Variants in MIR2052HG observed in about 807,000 individuals in gnomAD.
MIR2052HG encodes the protein MIR2052 host gene.
At chr8:74,615,836 T>A (rs7012948) in intron 2 of MIR2052HG, among the ~76,000 whole-genome samples, 1 of 151,870 alleles carries the variant, frequency 6.6e-6, no homozygotes, top group African/African-American at 2.4e-5. Context: ...TGTTCGATTC[T>A]CACCTATGAG....
intron 2 of MIR2052HG, among the ~76,000 whole-genome samples, chr8:74,671,104 G>A (rs1056929655): frequency 3.6e-5 from 5 of 137,112 alleles, no homozygotes; most frequent in African/African-American, 1.6e-4. Context: ...TTACATCAAT[G>A]AGAGTGTACG....
At chr8:74,642,257 G>A (rs904381812) in intron 2 of MIR2052HG, among the ~76,000 whole-genome samples, 3 of 151,964 alleles carry the variant, frequency 2.0e-5, no homozygotes, top group Non-Finnish European at 2.9e-5. Context: ...GTTAATGTGC[G>A]CGGTTTCCAA....
At chr8:74,669,834 T>A (rs942313023) in intron 2 of MIR2052HG, among the ~76,000 whole-genome samples, 3 of 152,182 alleles carry the variant, frequency 2.0e-5, no homozygotes, top group Non-Finnish European at 4.4e-5. Context: ...CTTCTAAGCA[T>A]CTTCTTTACA....
chr8:74,743,858 T>C (rs1444799222), intron 4 of MIR2052HG, among the ~76,000 whole-genome samples: 2 of 152,188 alleles, frequency 1.3e-5, no homozygotes, highest in African/African-American at 2.4e-5. Flanking sequence ...AAGGTGATCA[T>C]GAGCCCACAC....
rs895134176 is a variant in MIR2052HG at position 74,620,711 on chromosome 8, C to A, written n.216+7771C>A. Reference sequence around the variant, plus strand: ...CAGAGCAGAGTGGCCTTGGGCTGGGCCCCTGAAACCATTTTTCCCACCTAG... The same window carrying A: ...CAGAGCAGAGTGGCCTTGGGCTGGGACCCTGAAACCATTTTTCCCACCTAG... On this transcript the variant is annotated intron_variant and non_coding_transcript_variant, in intron 2 of 6. Coordinates refer to ENST00000523442, the Ensembl canonical transcript of MIR2052HG. 2.0e-5 allele frequency among the ~76,000 whole-genome samples: 3 copies of A among 152,200 alleles called. No individual in the cohort carries two copies. The South Asian group carries it at 6.2e-4, about 32-fold the overall frequency.
chr8:74,681,124 T>C (rs1182181901), intron 2 of MIR2052HG, among the ~76,000 whole-genome samples: 6 of 148,002 alleles, frequency 4.1e-5, no homozygotes, highest in Non-Finnish European at 7.5e-5. Flanking sequence ...GATGACGAGT[T>C]AGTGGGCGCA....
chr8:74,736,325 A>C (rs1809744447), intron 4 of MIR2052HG, among the ~76,000 whole-genome samples: 1 of 152,244 alleles, frequency 6.6e-6, no homozygotes, highest in African/African-American at 2.4e-5. Flanking sequence ...TGGTGGGTAC[A>C]TAATTTTTGA....
At chr8:74,758,261 A>G (rs1586933615) in intron 6 of MIR2052HG, 1 of 152,140 alleles carries the variant, frequency 6.6e-6, no homozygotes, top group African/African-American at 2.4e-5. Flanking sequence ...CAGCCTAAAA[A>G]TAACATCTAT....
At chr8:74,630,361 G>T (rs1447861019) in intron 2 of MIR2052HG, among the ~76,000 whole-genome samples, 6 of 151,962 alleles carry the variant, frequency 3.9e-5, no homozygotes, top group African/African-American at 1.5e-4. Flanking sequence ...GACAAGTCAG[G>T]CTTGGAAGGG....
At chr8:74,608,445 A>AGTCTTAT (rs1167553323) in intron 1 of MIR2052HG, among the ~76,000 whole-genome samples, 6 of 152,216 alleles carry the variant, frequency 3.9e-5, no homozygotes, top group Non-Finnish European at 7.4e-5. Flanking sequence ...TGAAGTCTTA[A>AGTCTTAT]CACTATCAAT....
chr8:74,684,091 C>T (rs1465016660), intron 2 of MIR2052HG, among the ~76,000 whole-genome samples: 1 of 152,078 alleles, frequency 6.6e-6, no homozygotes, highest in African/African-American at 2.4e-5. Context: ...GTAGCTTGTT[C>T]AGAGGTCCCG....
chr8:74,677,927 A>G (rs559217505), intron 2 of MIR2052HG, among the ~76,000 whole-genome samples: 1 of 152,350 alleles, frequency 6.6e-6, no homozygotes, highest in South Asian at 2.1e-4. Context: ...GAAAGAAGTT[A>G]CAAATATTAT....
intron 4 of MIR2052HG, among the ~76,000 whole-genome samples, chr8:74,715,373 G>T (rs1809510027): frequency 6.6e-6 from 1 of 152,156 alleles, no homozygotes; most frequent in Non-Finnish European, 1.5e-5. Flanking sequence ...GGATATACAG[G>T]CATAGAACAG....
chr8:74,640,808 T>C (rs1012885892), intron 2 of MIR2052HG, among the ~76,000 whole-genome samples: 3 of 152,192 alleles, frequency 2.0e-5, no homozygotes, highest in African/African-American at 7.2e-5. Flanking sequence ...TTTGCCCCTA[T>C]TTTCAGATTG....
At chr8:74,735,320 G>C (rs1451422854) in intron 4 of MIR2052HG, among the ~76,000 whole-genome samples, 2 of 152,184 alleles carry the variant, frequency 1.3e-5, no homozygotes, top group African/African-American at 4.8e-5. Context: ...ACAAGATGGA[G>C]CCTGCCCCTT....
chr8:74,730,183 A>G (rs1286704258), intron 4 of MIR2052HG, among the ~76,000 whole-genome samples: 4 of 152,152 alleles, frequency 2.6e-5, no homozygotes, highest in Non-Finnish European at 5.9e-5. Context: ...TCCCAAACAA[A>G]ATAAAGCAAG....
intron 2 of MIR2052HG, among the ~76,000 whole-genome samples, chr8:74,693,012 C>T (rs1451194051): frequency 5.3e-5 from 8 of 152,098 alleles, no homozygotes; most frequent in Admixed American, 5.2e-4. Flanking sequence ...TAAAGTTTTC[C>T]AAAGCTGAGA....
intron 2 of MIR2052HG, among the ~76,000 whole-genome samples, chr8:74,669,963 G>A (rs919940623): frequency 2.0e-5 from 3 of 152,076 alleles, no homozygotes; most frequent in Non-Finnish European, 4.4e-5. Context: ...AGGTAATTAA[G>A]GTCAAATGAG....
chr8:74,602,841 CTTT>C (rs1808031714), intron 1 of MIR2052HG, among the ~76,000 whole-genome samples: 1 of 139,978 alleles, frequency 7.1e-6, no homozygotes, highest in Admixed American at 7.3e-5. Context: ...TTCTTTCTTT[CTTT>C]CTTTCTTTCT....
Sources: gnomAD v4.1 joint callset for allele counts (sites outside exome capture counted in the v4.1 genomes callset) on GRCh38, gnomAD v4.1.1 for gene constraint, MANE v1.5 for transcripts, NCBI Gene and HGNC (gene_info 2026-07-23, HGNC 2026-07-21) for gene names.